Variants in KHDRBS2 observed in about 807,000 individuals in gnomAD.
KHDRBS2 encodes the protein KH RNA binding domain containing, signal transduction associated 2.
A neutral mutation model predicts 44.3 loss-of-function variants in KHDRBS2; 26 were observed. The observed-to-expected ratio is 0.59, with a 90% confidence interval of 0.43 to 0.81. The LOEUF (loss-of-function observed/expected upper bound fraction) is 0.81. Among genes scored for constraint, KHDRBS2 ranks in the 40% least tolerant of loss-of-function variants. The pLI is 0.00. For missense variants in KHDRBS2, 476 were observed against 433.1 expected, an observed-to-expected ratio of 1.10 and a Z score of -0.88; for synonymous variants, 194 against 151.1, an observed-to-expected ratio of 1.28 and a Z score of -2.08.
intron 2 of KHDRBS2, among the ~76,000 whole-genome samples, chr6:62,170,536 T>C (rs1819777692): frequency 6.6e-6 from 1 of 152,108 alleles, no homozygotes; most frequent in South Asian, 2.1e-4. Flanking sequence ...GCTAACACTC[T>C]TAAGTGCCAC....
intron 4 of KHDRBS2, among the ~76,000 whole-genome samples, chr6:61,977,520 A>G (rs1179467033): frequency 6.6e-6 from 1 of 152,114 alleles, no homozygotes; most frequent in African/African-American, 2.4e-5. Flanking sequence ...ATTTTTGTTT[A>G]AAGTCAACAG....
intron 2 of KHDRBS2, among the ~76,000 whole-genome samples, chr6:62,108,096 G>A (rs1330713798): frequency 2.6e-5 from 4 of 152,076 alleles, no homozygotes; most frequent in Admixed American, 1.3e-4. Context: ...GGACAAATGG[G>A]ATCTAATTAA....
At chr6:61,544,586 C>A in the KHDRBS2 span, among the ~76,000 whole-genome samples, 1 of 152,070 alleles carries the variant, frequency 6.6e-6, no homozygotes, top group Non-Finnish European at 1.5e-5. Flanking sequence ...ATCTTGAAAT[C>A]ATTCATTTAC....
chr6:61,854,786 A>G (rs9445506), intron 6 of KHDRBS2, among the ~76,000 whole-genome samples: 6,125 of 152,266 alleles, frequency 0.04, 421 homozygotes, highest in African/African-American at 0.14. Flanking sequence ...TTGATAATGA[A>G]AAAGGTAAAA....
intron 4 of KHDRBS2, among the ~76,000 whole-genome samples, chr6:61,934,748 T>G (rs1003575458): frequency 6.6e-6 from 1 of 152,104 alleles, no homozygotes; most frequent in African/African-American, 2.4e-5. Context: ...GAATCCCAAA[T>G]TGGGGTAACA....
chr6:61,945,139 A>ATATATG lies in KHDRBS2; in HGVS notation c.483+32926_483+32927insCATATA, dbSNP rs1554284637. ...TATATATATATATATATATATATAT[A>ATATATG]TATATATATATACACACAGACTTGT... is the stretch of plus-strand genomic sequence containing the variant. On this transcript the variant is annotated intron_variant, in intron 4 of 8. Coordinates refer to ENST00000281156, the MANE Select transcript of KHDRBS2 (RefSeq NM_152688.4). 1.4e-4 allele frequency among the ~76,000 whole-genome samples: 15 copies of ATATATG among 108,404 alleles called. 1 individual carries two copies. The highest frequency in any genetic ancestry group is 2.1e-4 in the Non-Finnish European group (11 of 51,388). 71.1% of individuals were successfully genotyped at this position (108,404 alleles called of 152,430 possible).
At chr6:61,964,666 G>T (rs1562540951) in intron 4 of KHDRBS2, among the ~76,000 whole-genome samples, 1 of 152,048 alleles carries the variant, frequency 6.6e-6, no homozygotes, top group Non-Finnish European at 1.5e-5. Flanking sequence ...TAGCTAATGT[G>T]ATTTACAGAT....
intron 6 of KHDRBS2, among the ~76,000 whole-genome samples, chr6:61,887,741 A>G (rs1028058081): frequency 1.3e-5 from 2 of 152,058 alleles, no homozygotes; most frequent in East Asian, 3.9e-4. Flanking sequence ...AAAGTTAAGA[A>G]CTCCTTTGAG....
chr6:62,208,071 C>T (rs554372785), intron 1 of KHDRBS2, among the ~76,000 whole-genome samples: 1 of 152,148 alleles, frequency 6.6e-6, no homozygotes, highest in Non-Finnish European at 1.5e-5. Context: ...ATGGTAAATG[C>T]TGCTTCATTC....
At chr6:62,235,957 C>T (rs1385995807) in intron 1 of KHDRBS2, among the ~76,000 whole-genome samples, 1 of 151,942 alleles carries the variant, frequency 6.6e-6, no homozygotes, top group Non-Finnish European at 1.5e-5. Flanking sequence ...ATTTTTTATT[C>T]TGGAGGAGGA....
intron 6 of KHDRBS2, among the ~76,000 whole-genome samples, chr6:61,800,211 G>T (rs566889451): frequency 6.6e-6 from 1 of 152,104 alleles, no homozygotes; most frequent in East Asian, 1.9e-4. Flanking sequence ...TTTTCAAAGG[G>T]AATGATTAAG....
intron 1 of KHDRBS2, among the ~76,000 whole-genome samples, chr6:62,239,418 C>G (rs1834220605): frequency 1.3e-5 from 2 of 151,876 alleles, no homozygotes; most frequent in Admixed American, 1.3e-4. Context: ...GCTAAAAATA[C>G]AAAAATTAAC....
rs182402067 is a variant in KHDRBS2, at chr6:62,083,373, A to C, written c.220-35379T>G. On this transcript the variant is annotated intron_variant, in intron 2 of 8. Transcript: ENST00000281156. ...CCTATTGAGGGCCACTTTCACTGGC[A>C]ATAAAATCTTCTGCATTTACCATCT... Among the ~76,000 whole-genome samples the C allele has an allele frequency of 1.8e-3, 273 of 152,280 alleles. 10 individuals are homozygous for C. In the South Asian group the frequency reaches 0.052, roughly 29 times the overall value.
intron 3 of KHDRBS2, among the ~76,000 whole-genome samples, chr6:62,040,249 G>GCACGCA (rs1185552152): frequency 1.3e-5 from 2 of 151,784 alleles, no homozygotes; most frequent in African/African-American, 4.8e-5. Flanking sequence ...ACACACGCAT[G>GCACGCA]CACGCACACG....
At chr6:61,824,549 A>G (rs540686180) in intron 6 of KHDRBS2, among the ~76,000 whole-genome samples, 7 of 152,230 alleles carry the variant, frequency 4.6e-5, no homozygotes, top group Non-Finnish European at 7.4e-5. Flanking sequence ...TCTTTATAGC[A>G]GTGTAATGGA....
intron 1 of KHDRBS2, among the ~76,000 whole-genome samples, chr6:62,199,273 A>G (rs151310221): frequency 0.01 from 1,554 of 152,236 alleles, 32 homozygotes; most frequent in African/African-American, 0.035. Context: ...AAGGTCATTC[A>G]ATTAGGAAAA....
In KHDRBS2 at chr6:61,797,337, A is replaced by G. The variant is rs1562201348; in HGVS notation, c.811-64573T>C. On this transcript the variant is annotated intron_variant, in intron 6 of 8. Transcript: ENST00000281156. ...ATGTATCTTATTTCAATTAATTTTC[A>G]TCACAAGCCAGTAAGGTAGGTATTT... is the stretch of plus-strand genomic sequence containing the variant. Among the ~76,000 whole-genome samples, 3 of 152,086 alleles carry G rather than the reference A, an allele frequency of 2.0e-5. No homozygotes were observed. The South Asian group carries it at 6.2e-4, about 32-fold the overall frequency.
At chr6:61,823,478 T>A (rs1244656493) in intron 6 of KHDRBS2, among the ~76,000 whole-genome samples, 6 of 152,066 alleles carry the variant, frequency 3.9e-5, no homozygotes, top group Non-Finnish European at 8.8e-5. Flanking sequence ...ATTTATCTGA[T>A]GGTTAAAGAC....
chr6:61,625,758 A>G, the KHDRBS2 span, among the ~76,000 whole-genome samples: 1 of 152,240 alleles, frequency 6.6e-6, no homozygotes, highest in South Asian at 2.1e-4. Flanking sequence ...TCTCCCAGTA[A>G]TCACTTACAC....
Sources: gnomAD v4.1 joint callset for allele counts (sites outside exome capture counted in the v4.1 genomes callset) on GRCh38, gnomAD v4.1.1 for gene constraint, MANE v1.5 for transcripts, NCBI Gene and HGNC (gene_info 2026-07-23, HGNC 2026-07-21) for gene names.